The following KCNIP4 variants were observed in gnomAD, a reference collection of about 807,000 sequenced individuals.
The protein encoded by KCNIP4 is Kv channel-interacting protein 4.
A neutral mutation model predicts 34.0 loss-of-function variants in KCNIP4; 12 were observed. The observed-to-expected ratio is 0.35, with a 90% CI of 0.23 to 0.57. The LOEUF (loss-of-function observed/expected upper bound fraction) is 0.57. Among genes scored for constraint, KCNIP4 ranks in the 20% least tolerant of loss-of-function variants. The pLI is 0.83. For missense variants in KCNIP4, 238 were observed against 311.7 expected (o/e 0.76, Z 1.78); for synonymous variants, 124 against 102.2 (o/e 1.21, Z -1.29).
chr4:20,939,241 A>C (rs929257733), intron 1 of KCNIP4, among the ~76,000 whole-genome samples: 1 of 151,916 alleles, frequency 6.6e-6, no homozygotes, highest in Non-Finnish European at 1.5e-5. Context: ...TTGCTTCCCA[A>C]CTCTACATTC....
rs146595018 is a variant in KCNIP4 at position 20,806,918 on chromosome 4, C to G, written c.288+43625G>C. On this transcript the variant is annotated intron_variant, in intron 3 of 8. Coordinates refer to ENST00000382152, the MANE Select transcript of KCNIP4 (RefSeq NM_025221.6). Reference sequence around the variant, plus strand: ...AGCAAGTTAAACATAAACAAAATGACAGAGCCAATTGATATCCAACTAGTA... The same window carrying G: ...AGCAAGTTAAACATAAACAAAATGAGAGAGCCAATTGATATCCAACTAGTA... 9.9e-4 allele frequency among the ~76,000 whole-genome samples: 151 copies of G among 152,208 alleles called. 2 individuals are homozygous for G. Among genetic ancestry groups the G allele is most frequent in the Non-Finnish European group, 1.8e-3 (123 of 67,990 alleles).
intron 1 of KCNIP4, among the ~76,000 whole-genome samples, chr4:21,682,503 T>C (rs1362867389): frequency 2.6e-5 from 4 of 152,192 alleles, no homozygotes; most frequent in African/African-American, 9.6e-5. Flanking sequence ...TTACTATTCA[T>C]GTCTTCACTA....
chr4:21,017,431 A>G (rs1174904584), intron 1 of KCNIP4, among the ~76,000 whole-genome samples: 1 of 152,190 alleles, frequency 6.6e-6, no homozygotes, highest in East Asian at 1.9e-4. Context: ...TATAAGTGAG[A>G]ACATGCAGTG....
intron 3 of KCNIP4, among the ~76,000 whole-genome samples, chr4:20,789,075 T>G (rs1006280438): frequency 1.3e-5 from 2 of 152,176 alleles, no homozygotes; most frequent in Non-Finnish European, 2.9e-5. Flanking sequence ...AGTTTCTACC[T>G]GGACTATGTG....
At chr4:21,117,311 G>GA (rs1560737581) in intron 1 of KCNIP4, among the ~76,000 whole-genome samples, 1 of 135,554 alleles carries the variant, frequency 7.4e-6, no homozygotes, top group African/African-American at 2.7e-5. Flanking sequence ...GGGGGGGGGG[G>GA]GGGGGGGGCG....
chr4:20,883,456 G>A (rs1316071792), intron 1 of KCNIP4, among the ~76,000 whole-genome samples: 3 of 152,096 alleles, frequency 2.0e-5, no homozygotes, highest in Admixed American at 2.0e-4. Context: ...AAAAGTGGCT[G>A]GACGGGTGAG....
intron 1 of KCNIP4, among the ~76,000 whole-genome samples, chr4:21,653,488 C>T (rs1747674635): frequency 1.3e-5 from 2 of 152,124 alleles, no homozygotes; most frequent in Admixed American, 6.6e-5. Flanking sequence ...TGTGCATGTA[C>T]ATAATCGTGG....
chr4:21,178,815 C>CTTTTT (rs10611485), intron 1 of KCNIP4, among the ~76,000 whole-genome samples: 9 of 136,788 alleles, frequency 6.6e-5, no homozygotes, highest in Non-Finnish European at 9.4e-5. Context: ...TAACACCAAA[C>CTTTTT]TTTTTTTTTT....
At chr4:21,233,257 G>T (rs1222485464) in intron 1 of KCNIP4, among the ~76,000 whole-genome samples, 1 of 152,110 alleles carries the variant, frequency 6.6e-6, no homozygotes, top group Admixed American at 6.6e-5. Flanking sequence ...CAGTGGGGTG[G>T]AAGGAACTGA....
At chr4:21,606,539 C>T (rs1414854182) in intron 1 of KCNIP4, among the ~76,000 whole-genome samples, 1 of 152,076 alleles carries the variant, frequency 6.6e-6, no homozygotes, top group African/African-American at 2.4e-5. Flanking sequence ...GTTGCTTTCC[C>T]AGTGCTCTAG....
intron 1 of KCNIP4, among the ~76,000 whole-genome samples, chr4:21,299,869 T>C (rs10516379): frequency 0.17 from 26,000 of 152,128 alleles, 3,228 homozygotes; most frequent in African/African-American, 0.34. Flanking sequence ...CAGCTAATAT[T>C]TTGATTAAGC....
At chr4:21,157,030 G>T (rs10015791) in intron 1 of KCNIP4, among the ~76,000 whole-genome samples, 1 of 152,072 alleles carries the variant, frequency 6.6e-6, no homozygotes. Flanking sequence ...AAGTATGAAG[G>T]CTGAGTAATC....
chr4:20,752,222 C>T (rs907074204), intron 4 of KCNIP4, among the ~76,000 whole-genome samples: 1 of 151,924 alleles, frequency 6.6e-6, no homozygotes, highest in Non-Finnish European at 1.5e-5. Context: ...CCATGCCCGG[C>T]GAATTTTTGT....
intron 3 of KCNIP4, among the ~76,000 whole-genome samples, chr4:20,849,432 G>A (rs1291255883): frequency 6.6e-6 from 1 of 152,156 alleles, no homozygotes; most frequent in African/African-American, 2.4e-5. Context: ...AAAATATTCT[G>A]CAGTGTCAAC....
rs2323040 is a variant in KCNIP4 at position 21,552,039 on chromosome 4, A to T, written c.61+396532T>A. ...GAAAAAACAAGGGAGAGCTTTTTTT[A>T]AAAAAAAAAAAAACAAAAAACAACA... On this transcript the variant is annotated intron_variant, in intron 1 of 8. Transcript: ENST00000382152. 6.4e-3 allele frequency among the ~76,000 whole-genome samples: 313 copies of T among 49,050 alleles called. 2 individuals are homozygous for T. The highest frequency in any genetic ancestry group is 0.042 in the Middle Eastern group (3 of 72). 32.2% of individuals were successfully genotyped at this position (49,050 alleles called of 152,430 possible). A position where few individuals can be genotyped will look rare whatever the true frequency, so the allele number is the denominator to read the frequency against.
intron 1 of KCNIP4, among the ~76,000 whole-genome samples, chr4:20,903,330 A>G (rs1469392423): frequency 6.6e-6 from 1 of 152,122 alleles, no homozygotes; most frequent in Admixed American, 6.5e-5. Context: ...ACACGTTCAA[A>G]TATGACACTT....
At chr4:21,782,764 C>T (rs555574558) in intron 1 of KCNIP4, among the ~76,000 whole-genome samples, 14 of 152,166 alleles carry the variant, frequency 9.2e-5, no homozygotes, top group African/African-American at 2.7e-4. Context: ...GACTTGGAAA[C>T]GGCCAAAATG....
chr4:20,933,511 C>G (rs1488025046), intron 1 of KCNIP4, among the ~76,000 whole-genome samples: 1 of 152,036 alleles, frequency 6.6e-6, no homozygotes, highest in Non-Finnish European at 1.5e-5. Flanking sequence ...AGGGGTAATA[C>G]AGAAGTTGGA....
intron 1 of KCNIP4, among the ~76,000 whole-genome samples, chr4:21,046,578 AATTT>A (rs150325780): frequency 1.7e-5 from 2 of 117,862 alleles, no homozygotes; most frequent in African/African-American, 2.9e-5. Context: ...GTTACTAGCT[AATTT>A]ATTTATTTAT....
Sources: gnomAD v4.1 joint callset for allele counts (sites outside exome capture counted in the v4.1 genomes callset) on GRCh38, gnomAD v4.1.1 for gene constraint, MANE v1.5 for transcripts, NCBI Gene and HGNC (gene_info 2026-07-23, HGNC 2026-07-21) for gene names.